Variants in FGGY observed in about 807,000 individuals in gnomAD.
FGGY encodes FGGY carbohydrate kinase domain containing.
In FGGY, 72 loss-of-function variants were observed where a neutral mutation model predicts 71.3. The observed-to-expected ratio is 1.01, with a 90% CI of 0.84 to 1.23. The LOEUF is 1.23. Among genes scored for constraint, FGGY ranks in the 50% most tolerant of loss-of-function variants. The pLI is 0.00. For synonymous variants in FGGY, 251 were observed against 250.3 expected (o/e 1.00, Z -0.02); for missense variants, 668 against 682.3 (o/e 0.98, Z 0.23).
At chr1:59,595,583 G>A (rs1355330763) in intron 8 of FGGY, among the ~76,000 whole-genome samples, 2 of 152,064 alleles carry the variant, frequency 1.3e-5, no homozygotes, top group Non-Finnish European at 2.9e-5. Flanking sequence ...CCAGCTACTC[G>A]AGAGACTGAG....
At chr1:59,372,997 C>A (rs531938521) in intron 4 of FGGY, among the ~76,000 whole-genome samples, 1 of 152,236 alleles carries the variant, frequency 6.6e-6, no homozygotes, top group East Asian at 1.9e-4. Flanking sequence ...TGAAAACTGG[C>A]ACAAGACAGG....
At chr1:59,348,583 C>T (rs1247283958) in intron 4 of FGGY, among the ~76,000 whole-genome samples, 1 of 152,066 alleles carries the variant, frequency 6.6e-6, no homozygotes, top group Non-Finnish European at 1.5e-5. Context: ...TGAGCATGAC[C>T]TGCTGTGATT....
intron 6 of FGGY, among the ~76,000 whole-genome samples, chr1:59,461,059 G>A (rs7536452): frequency 2.0e-5 from 3 of 152,196 alleles, no homozygotes; most frequent in South Asian, 2.1e-4. Flanking sequence ...AAAGCTGGAC[G>A]GAGAATGACT....
intron 6 of FGGY, among the ~76,000 whole-genome samples, chr1:59,499,777 C>T (rs2094166865): frequency 6.6e-6 from 1 of 152,158 alleles, no homozygotes; most frequent in African/African-American, 2.4e-5. Context: ...GCCTTTCTTC[C>T]TTATGTGCAA....
chr1:59,502,437 T>C (rs2153611294), intron 6 of FGGY, among the ~76,000 whole-genome samples: 1 of 152,240 alleles, frequency 6.6e-6, no homozygotes, highest in South Asian at 2.1e-4. Flanking sequence ...GAGAACAAAA[T>C]AGGGCACCAG....
At chr1:59,523,116 T>G (rs1186976366) in intron 7 of FGGY, among the ~76,000 whole-genome samples, 1 of 152,228 alleles carries the variant, frequency 6.6e-6, no homozygotes. Flanking sequence ...CCACTGGTTC[T>G]GACACTGCCA....
chr1:59,501,281 C>T (rs1020082386), intron 6 of FGGY, among the ~76,000 whole-genome samples: 1 of 152,054 alleles, frequency 6.6e-6, no homozygotes, highest in African/African-American at 2.4e-5. Flanking sequence ...CCTCTGCTTC[C>T]TATGTTTTTA....
intron 6 of FGGY, among the ~76,000 whole-genome samples, chr1:59,496,300 G>A (rs1323596784): frequency 2.6e-5 from 4 of 152,042 alleles, no homozygotes; most frequent in African/African-American, 2.4e-5. Context: ...CAGTGGACCG[G>A]ATAAAGAAAA....
intron 13 of FGGY, among the ~76,000 whole-genome samples, chr1:59,671,944 A>G (rs1236931812): frequency 6.6e-6 from 1 of 152,148 alleles, no homozygotes; most frequent in Non-Finnish European, 1.5e-5. Context: ...CTGGTTCGCA[A>G]GGGGAGGGGC....
intron 2 of FGGY, among the ~76,000 whole-genome samples, chr1:59,335,418 A>G: frequency 6.6e-6 from 1 of 152,150 alleles, no homozygotes; most frequent in East Asian, 1.9e-4. Flanking sequence ...ATTCTGTTAT[A>G]TGGATATACA....
chr1:59,303,750 T>C (rs1215378689), intron 1 of FGGY, among the ~76,000 whole-genome samples: 1 of 152,146 alleles, frequency 6.6e-6, no homozygotes, highest in Non-Finnish European at 1.5e-5. Flanking sequence ...CTCCATATTC[T>C]CATCAATACT....
At chr1:59,325,602 C>CT (rs1334504313) in intron 2 of FGGY, among the ~76,000 whole-genome samples, 5 of 152,274 alleles carry the variant, frequency 3.3e-5, no homozygotes, top group Admixed American at 3.3e-4. Context: ...GAGCTGAGCT[C>CT]TTAGAGAGAT....
At chr1:59,370,180 A>G (rs1385259055) in intron 4 of FGGY, among the ~76,000 whole-genome samples, 3 of 152,202 alleles carry the variant, frequency 2.0e-5, no homozygotes, top group Non-Finnish European at 4.4e-5. Context: ...AATCTAGATG[A>G]ATGTATAACT....
chr1:59,674,184 TC>T, intron 14 of FGGY, 51 bp downstream of exon 14: 1 of 1,404,718 alleles, frequency 7.1e-7, no homozygotes, highest in East Asian at 2.4e-5. Context: ...TCTGAGGCCA[TC>T]CTTCCTCTTG....
chr1:59,440,875 A>G (rs916836206), intron 5 of FGGY, among the ~76,000 whole-genome samples: 4 of 151,686 alleles, frequency 2.6e-5, no homozygotes, highest in African/African-American at 9.7e-5. Flanking sequence ...ACAGAAGTGA[A>G]TGGAAGTGTG....
intron 7 of FGGY, among the ~76,000 whole-genome samples, chr1:59,524,011 C>T (rs546968184): frequency 2.2e-4 from 33 of 152,340 alleles, no homozygotes; most frequent in Admixed American, 2.0e-3. Context: ...CATCTGCAGC[C>T]GCCCAGCTGC....
intron 9 of FGGY, among the ~76,000 whole-genome samples, chr1:59,612,293 A>G (rs1444528684): frequency 6.6e-6 from 1 of 152,204 alleles, no homozygotes; most frequent in Non-Finnish European, 1.5e-5. Context: ...CTAACAGCTG[A>G]TCTCTCGGCA....
chr1:59,351,429 T>C (rs2053270246), intron 4 of FGGY, among the ~76,000 whole-genome samples: 1 of 152,222 alleles, frequency 6.6e-6, no homozygotes, highest in African/African-American at 2.4e-5. Context: ...CTCTTGTTAT[T>C]ACACTCTTAA....
chr1:59,722,833 C>G (rs979920144), intron 14 of FGGY, among the ~76,000 whole-genome samples: 3 of 152,198 alleles, frequency 2.0e-5, no homozygotes, highest in South Asian at 4.1e-4. Context: ...GAGTCTTGCT[C>G]TCACCCAGGC....
Sources: gnomAD v4.1 joint callset for allele counts (sites outside exome capture counted in the v4.1 genomes callset) on GRCh38, gnomAD v4.1.1 for gene constraint, MANE v1.5 for transcripts, NCBI Gene and HGNC (gene_info 2026-07-23, HGNC 2026-07-21) for gene names.